SLC6A19: variants seen among roughly 807,000 people sequenced by gnomAD.
The protein encoded by SLC6A19 is sodium-dependent neutral amino acid transporter B(0)AT1.
SLC6A19 carries 67 observed loss-of-function variants against 68.3 expected under a neutral mutation model. The ratio of observed to expected loss-of-function variants is 0.98; its 90% confidence interval spans 0.81 to 1.20. The LOEUF is 1.20. SLC6A19 is among the 50% of genes most tolerant of loss of function. SLC6A19 has a pLI of 0.00. For synonymous variants in SLC6A19, 392 were observed against 374.9 expected (o/e 1.05, Z -0.53); for missense variants, 813 against 851.6 (o/e 0.95, Z 0.56).
At chr5:1,207,045 G>A (rs566482241) in intron 1 of SLC6A19, among the ~76,000 whole-genome samples, 21 of 152,216 alleles carry the variant, frequency 1.4e-4, no homozygotes, top group African/African-American at 4.3e-4. Flanking sequence ...AGCTGCTTCC[G>A]CGTCCCCATA....
In SLC6A19 at chr5:1,215,600, G is replaced by A. The variant is rs1191111182; in HGVS notation, c.888-958G>A. 6.6e-6 allele frequency among the ~76,000 whole-genome samples: 1 copy of A among 152,200 alleles called. No homozygotes were observed. The highest frequency in any genetic ancestry group is 1.9e-4 in the East Asian group (1 of 5,202). On this transcript the variant is annotated intron_variant, in intron 6 of 11. Transcript: ENST00000304460. The surrounding 1 kb of genome is among the most constrained non-coding windows in gnomAD (Gnocchi z 5.1). Reference sequence around the variant, plus strand: ...CAGAGCGCCATTCCTGTTTAGGGCTGAGCAATATTTCATGGTGTGCATGGG... The same window carrying A: ...CAGAGCGCCATTCCTGTTTAGGGCTAAGCAATATTTCATGGTGTGCATGGG...
rs773048122 is a variant in SLC6A19 at position 1,201,626 on chromosome 5, T to C, written c.-25T>C. The C allele has an allele frequency of 1.0e-5, 16 of 1,596,326 alleles. No homozygotes were observed. The highest frequency in any genetic ancestry group is 1.3e-5 in the Non-Finnish European group (15 of 1,176,802). ...CCTCCAGCTTCTGCCCTGCCTGCTGTGTGCGGAGCCGTCCAGCGACCACCA... is the reference window on the plus strand; with the variant it reads ...CCTCCAGCTTCTGCCCTGCCTGCTGCGTGCGGAGCCGTCCAGCGACCACCA... On this transcript the variant is annotated 5_prime_UTR_variant, in exon 1 of 12. Coordinates refer to ENST00000304460, the MANE Select transcript of SLC6A19 (RefSeq NM_001003841.3).
chr5:1,221,759 T>C lies in SLC6A19; in HGVS notation c.1760T>C (p.Val587Ala). 1.2e-6 allele frequency: 2 copies of C among 1,614,082 alleles called. No individual in the cohort carries two copies. The highest frequency in any genetic ancestry group is 1.7e-6 in the Non-Finnish European group (2 of 1,179,962). ...SYPNWVYVVVVIVAGVPSLTI... is the reference protein window; with the variant it reads ...SYPNWVYVVVAIVAGVPSLTI... ...CCGAACTGGGTGTATGTGGTGGTGG[T>C]GATTGTGGCTGGAGTGCCCTCCCTC... Residue 587 changes from valine to alanine, a missense_variant, in exon 12 of 12, where the codon GTG becomes GCG. Physicochemically the swap from Val to Ala is moderately conservative, Grantham distance 64. Coordinates refer to ENST00000304460, the MANE Select transcript of SLC6A19 (RefSeq NM_001003841.3).
At chr5:1,217,869 A>C (rs1306934710) in intron 8 of SLC6A19, among the ~76,000 whole-genome samples, 2 of 151,570 alleles carry the variant, frequency 1.3e-5, no homozygotes, top group Admixed American at 6.6e-5. Context: ...AGCCCCAGGC[A>C]CCCCCTCTGC....
chr5:1,219,462 G>A, intron 9 of SLC6A19, 43 bp from the exon 10 acceptor site: 5 of 1,605,388 alleles, frequency 3.1e-6, no homozygotes, highest in Non-Finnish European at 4.2e-6. Context: ...GGCCGTGCGT[G>A]CAGCCCCTGG....
rs1554035168 is a variant in SLC6A19 at position 1,218,005 on chromosome 5, G to GCACCTCCTCC, written c.1174-897_1174-896insACCTCCTCCC. 1.3e-3 allele frequency among the ~76,000 whole-genome samples: 188 copies of GCACCTCCTCC among 149,550 alleles called. 2 individuals are homozygous for GCACCTCCTCC. Among genetic ancestry groups the GCACCTCCTCC allele is most frequent in the Middle Eastern group, 0.01 (3 of 286 alleles). ...CACCAGAGTTGGCGCCTCCATCCTG[G>GCACCTCCTCC]CGCCTCCTCCCGCCACCTCCCACCA... is the stretch of plus-strand genomic sequence containing the variant. On this transcript the variant is annotated intron_variant, in intron 8 of 11. Coordinates refer to ENST00000304460, the MANE Select transcript of SLC6A19 (RefSeq NM_001003841.3).
At chr5:1,203,742 A>C (rs1255808294) in intron 1 of SLC6A19, among the ~76,000 whole-genome samples, 1 of 152,240 alleles carries the variant, frequency 6.6e-6, no homozygotes, top group Middle Eastern at 3.2e-3. Flanking sequence ...CCCACATACC[A>C]GACCACCAGC....
chr5:1,216,667 TACG>T lies in SLC6A19; in HGVS notation c.1003_1005del (p.Asp335del), dbSNP rs755612443. 3.3e-5 allele frequency: 54 copies of T among 1,613,772 alleles called. No individual in the cohort carries two copies. Among genetic ancestry groups the T allele is most frequent in the East Asian group, 4.5e-5 (2 of 44,882 alleles). ...CATTGGGTTCCGCGCCACACAGCGC[TACG>T]ACGACTGCTTCAGCACGTGAGTGGC... On this transcript the variant is annotated inframe_deletion, in exon 7 of 12. Transcript: ENST00000304460.
rs1392399128 is a variant in SLC6A19 at position 1,223,213 on chromosome 5, C to T, written c.*1309C>T. ...GAATGCCAGCCATTTAATCATTGCT[C>T]CTGCCACCACAAATAGATGAGCAGT... On this transcript the variant is annotated 3_prime_UTR_variant, in exon 12 of 12. Transcript: ENST00000304460. 1.3e-5 allele frequency: 2 copies of T among 152,268 alleles called. No homozygotes were observed. The highest frequency in any genetic ancestry group is 1.3e-4 in the Admixed American group (2 of 15,286). 9.4% of individuals were successfully genotyped at this position (152,268 alleles called of 1,614,324 possible). A position where few individuals can be genotyped will look rare whatever the true frequency, so the allele number is the denominator to read the frequency against.
intron 1 of SLC6A19, among the ~76,000 whole-genome samples, chr5:1,202,151 G>A (rs1044687393): frequency 1.3e-4 from 20 of 152,242 alleles, no homozygotes; most frequent in Admixed American, 3.9e-4. Context: ...GGTGGGGCCG[G>A]GGGAAGGGTG....
At chr5:1,218,393 G>T (rs115060265) in intron 8 of SLC6A19, among the ~76,000 whole-genome samples, 1 of 152,204 alleles carries the variant, frequency 6.6e-6, no homozygotes, top group African/African-American at 2.4e-5. Flanking sequence ...GTGATGGGCC[G>T]GGGCCTGGTT....
At chr5:1,207,256 C>T (rs1020379603) in intron 1 of SLC6A19, among the ~76,000 whole-genome samples, 5 of 152,192 alleles carry the variant, frequency 3.3e-5, no homozygotes, top group African/African-American at 9.7e-5. Context: ...CGCCCTCTGC[C>T]GAGCACCTTG....
At chr5:1,218,821 G>A (rs1746277018) in intron 8 of SLC6A19, 82 bp from the exon 9 acceptor site, 1 of 1,454,128 alleles carries the variant, frequency 6.9e-7, no homozygotes, top group Non-Finnish European at 9.5e-7. Flanking sequence ...TGCGTGGCTT[G>A]GCGACGCACG....
chr5:1,220,240 T>C (rs1746337630), intron 10 of SLC6A19, among the ~76,000 whole-genome samples: 1 of 151,652 alleles, frequency 6.6e-6, no homozygotes, highest in African/African-American at 2.4e-5. Context: ...TGAAACGCCG[T>C]CTCTACTAAT....
In SLC6A19 at chr5:1,222,117, A is replaced by C; in HGVS notation, c.*213A>C. The C allele has an allele frequency of 1.6e-6, 1 of 616,846 alleles. No individual in the cohort carries two copies. Among genetic ancestry groups the C allele is most frequent in the Non-Finnish European group, 2.9e-6 (1 of 348,316 alleles). The allele number at this position is 616,846 out of a possible 1,614,324, so 38.2% of individuals were successfully genotyped here. On this transcript the variant is annotated 3_prime_UTR_variant, in exon 12 of 12. Coordinates refer to ENST00000304460, the MANE Select transcript of SLC6A19 (RefSeq NM_001003841.3). Reference sequence around the variant, plus strand: ...GGGCACTGTGTGAGTGTGCACGTGTATGCACACATATACATGTGTGTGGGT... The same window carrying C: ...GGGCACTGTGTGAGTGTGCACGTGTCTGCACACATATACATGTGTGTGGGT...
rs1329871533 is a variant in SLC6A19 at position 1,224,161 on chromosome 5, T to G, written c.*2257T>G. ...CCAGGCGTGCACAGGTGTGCATTGG[T>G]GTACCCTGGCATGCACAGGTGTGCA... is the stretch of plus-strand genomic sequence containing the variant. On this transcript the variant is annotated 3_prime_UTR_variant, in exon 12 of 12. Coordinates refer to ENST00000304460, the MANE Select transcript of SLC6A19 (RefSeq NM_001003841.3). 2 of 152,270 alleles carry G rather than the reference T, an allele frequency of 1.3e-5. No homozygotes were observed. Among genetic ancestry groups the G allele is most frequent in the Non-Finnish European group, 2.9e-5 (2 of 68,048 alleles). The allele number at this position is 152,270 out of a possible 1,614,324, so 9.4% of individuals were successfully genotyped here.
In SLC6A19 at chr5:1,205,026, T is replaced by A. The variant is rs535791916; in HGVS notation, c.202+3174T>A. 7.9e-5 allele frequency among the ~76,000 whole-genome samples: 12 copies of A among 152,286 alleles called. 1 individual carries two copies. In the South Asian group the frequency reaches 2.5e-3, roughly 32 times the overall value. ...CAGGAGGAACTGTTTCTGTGCCCAG[T>A]GTCTCTTTCCCTCTGGGTGCTTTCC... On this transcript the variant is annotated intron_variant, in intron 1 of 11. Transcript: ENST00000304460.
Position 1,210,559 on chromosome 5 carries a change from C to T in SLC6A19, c.459C>T (p.Cys153=). The T allele has an allele frequency of 6.2e-7, 1 of 1,613,082 alleles. No homozygotes were observed. Among genetic ancestry groups the T allele is most frequent in the Non-Finnish European group, 8.5e-7 (1 of 1,180,024 alleles). Residue 153 remains cysteine (C), a synonymous_variant, in exon 3 of 12, where the codon TGC becomes TGT. Transcript: ENST00000304460. ...AGGAGCCTCTGCCCTGGAGCGACTG[C>T]CCGCTCAACGAGAACCAGACAGGTG... ...SFQEPLPWSD[C]PLNENQTGYV...
rs1746419881 is a variant in SLC6A19, at chr5:1,222,506, CGT to C, written c.*607_*608del. The C allele has an allele frequency of 7.2e-6, 3 of 415,862 alleles. No individual in the cohort carries two copies. Among genetic ancestry groups the C allele is most frequent in the Admixed American group, 3.9e-5 (1 of 25,644 alleles). The allele number at this position is 415,862 out of a possible 1,614,324, so 25.8% of individuals were successfully genotyped here. A position where few individuals can be genotyped will look rare whatever the true frequency, so the allele number is the denominator to read the frequency against. The stretch of plus-strand genomic sequence containing the variant: ...TATATGTACATGTATGCCTGTGTGA[CGT>C]GTGTATATGTGAGCATGTGTACGTG... On this transcript the variant is annotated 3_prime_UTR_variant, in exon 12 of 12. Transcript: ENST00000304460.
Sources: allele counts gnomAD v4.1 joint callset (sites outside exome capture counted in the v4.1 genomes callset), GRCh38; gene constraint gnomAD v4.1.1; non-coding constraint Gnocchi (gnomAD v3.1); transcripts MANE v1.5; gene names NCBI Gene and HGNC (gene_info 2026-07-23, HGNC 2026-07-21).